The following CTNND1 variants were observed in gnomAD, a reference collection of about 807,000 sequenced individuals.
CTNND1 encodes catenin delta 1.
Under a neutral mutation model 112.1 loss-of-function variants are expected in CTNND1, and 16 were observed. The ratio of observed to expected loss-of-function variants is 0.14; its 90% CI spans 0.10 to 0.22. The LOEUF is 0.22. Among genes scored for constraint, CTNND1 ranks in the 10% least tolerant of loss-of-function variants. The probability of loss-of-function intolerance (pLI) is 1.00; values close to 1 mark genes in which losing one functional copy is unlikely to be tolerated. For synonymous variants in CTNND1, 420 were observed against 446.5 expected (o/e 0.94, Z 0.75); for missense variants, 1,008 against 1,257.0 (o/e 0.80, Z 3.00).
chr11:57,779,106 T>C (rs2059310833), intron 1 of CTNND1, among the ~76,000 whole-genome samples: 1 of 152,184 alleles, frequency 6.6e-6, no homozygotes, highest in Admixed American at 6.5e-5. Flanking sequence ...TTAAGTAATG[T>C]TCATTTGCTG....
chr11:57,774,530 C>T (rs1953656357), intron 1 of CTNND1, among the ~76,000 whole-genome samples: 1 of 152,264 alleles, frequency 6.6e-6, no homozygotes, highest in Non-Finnish European at 1.5e-5. Context: ...TTTCAAAGAG[C>T]CTCTAATCTA....
At chr11:57,783,658 CAAAATAA>C (rs2059834895) in intron 1 of CTNND1, among the ~76,000 whole-genome samples, 1 of 105,290 alleles carries the variant, frequency 9.5e-6, no homozygotes, top group Non-Finnish European at 2.0e-5. Context: ...GACTCCATCT[CAAAATAA>C]AAAAAAAGCC....
chr11:57,784,267 G>A lies in CTNND1; in HGVS notation c.-213-4770G>A, dbSNP rs577993614. Among the ~76,000 whole-genome samples, 10 of 151,380 alleles carry A rather than the reference G, an allele frequency of 6.6e-5. No individual in the cohort carries two copies. In the East Asian group the frequency reaches 2.0e-3, roughly 31 times the overall value. ...CCCTTTGCATTCCCTAGAATGGCTG[G>A]GCACAGTGGCTCATGCCAGTAATCC... On this transcript the variant is annotated intron_variant, in intron 1 of 20. Transcript: ENST00000399050.
Position 57,795,687 on chromosome 11 carries a change from G to T in CTNND1, c.378G>T (p.Val126=). The stretch of plus-strand genomic sequence containing the variant: ...AGGGAGCCATGTCTGTAGTCTCTGT[G>T]GAGACCTCAGATGATGGGACCACTC... ...DPEGAMSVVS[V]ETSDDGTTRR... The change falls in exon 5 of 21, where the codon GTG becomes GTT. Residue 126 remains valine (V), a synonymous_variant. Coordinates refer to ENST00000399050, the MANE Select transcript of CTNND1 (RefSeq NM_001085458.2). 1 of 1,608,832 alleles carries T rather than the reference G, an allele frequency of 6.2e-7. No homozygotes were observed. Among genetic ancestry groups the T allele is most frequent in the Non-Finnish European group, 8.5e-7 (1 of 1,177,766 alleles).
At chr11:57,815,627 A>C in intron 19 of CTNND1, 127 bp downstream of exon 19, 1 of 901,434 alleles carries the variant, frequency 1.1e-6, no homozygotes, top group Non-Finnish European at 1.9e-6. Context: ...TTTTCAGGAA[A>C]AAGTAAGAGT....
rs2064002997 is a variant in CTNND1, at chr11:57,816,503, C to T, written c.*195C>T. 7 of 617,656 alleles carry T rather than the reference C, an allele frequency of 1.1e-5. 1 individual carries two copies. In the Admixed American group the frequency reaches 2.0e-4, roughly 17 times the overall value. 38.3% of individuals were successfully genotyped at this position (617,656 alleles called of 1,614,324 possible). On this transcript the variant is annotated 3_prime_UTR_variant, in exon 21 of 21. Transcript: ENST00000399050. ...CCTGTGAAGTTTAATTGTCTCAACG[C>T]CTCCCCCTCCCCCATTCCCTCCATT...
chr11:57,787,029 T>G (rs2060212963), intron 1 of CTNND1, among the ~76,000 whole-genome samples: 1 of 152,200 alleles, frequency 6.6e-6, no homozygotes, highest in African/African-American at 2.4e-5. Context: ...TGCTATTAAC[T>G]GTGAGACCTT....
rs560988960 is a variant in CTNND1 at position 57,763,410 on chromosome 11, C to G, written c.-214+1291C>G. ...TCTGATTTCGTTCTCCCCTCACCCCCCTGCCACAAATTTTTTTAAGACTAG... is the reference window on the plus strand; with the variant it reads ...TCTGATTTCGTTCTCCCCTCACCCCGCTGCCACAAATTTTTTTAAGACTAG... On this transcript the variant is annotated intron_variant, in intron 1 of 20. Coordinates refer to ENST00000399050, the MANE Select transcript of CTNND1 (RefSeq NM_001085458.2). Among the ~76,000 whole-genome samples the G allele has an allele frequency of 2.6e-5, 4 of 152,252 alleles. No individual in the cohort carries two copies. The East Asian group carries it at 5.8e-4, about 22-fold the overall frequency.
At chr11:57,811,092 G>T (rs1453807186) in intron 16 of CTNND1, among the ~76,000 whole-genome samples, 2 of 152,198 alleles carry the variant, frequency 1.3e-5, no homozygotes, top group Non-Finnish European at 1.5e-5. Flanking sequence ...GATGAAGGAT[G>T]ATGGCCTTTT....
chr11:57,786,425 C>T (rs771320334), intron 1 of CTNND1, among the ~76,000 whole-genome samples: 7 of 151,714 alleles, frequency 4.6e-5, no homozygotes, highest in Admixed American at 4.6e-4. Context: ...CCCAGCTATT[C>T]GGGAGGCTGA....
Position 57,795,601 on chromosome 11 carries a change from A to C in CTNND1, c.292A>C (p.Thr98Pro). 6.2e-7 allele frequency: 1 copy of C among 1,611,740 alleles called. No individual in the cohort carries two copies. Among genetic ancestry groups the C allele is most frequent in the Non-Finnish European group, 8.5e-7 (1 of 1,179,142 alleles). ...PQDHSHLLYS[T>P]IPRMQEPGQI... ...GGATCACAGTCACCTTCTATATAGC[A>C]CCATCCCCAGGATGCAGGAGCCGGG... is the stretch of plus-strand genomic sequence containing the variant. The change falls in exon 5 of 21, where the codon ACC becomes CCC. Residue 98 changes from threonine to proline, a missense_variant. Thr to Pro is a conservative substitution (Grantham distance 38). Transcript: ENST00000399050.
chr11:57,787,629 A>G (rs2060272910), intron 1 of CTNND1, among the ~76,000 whole-genome samples: 1 of 152,188 alleles, frequency 6.6e-6, no homozygotes, highest in African/African-American at 2.4e-5. Flanking sequence ...AAGTGAGAAT[A>G]TGACAGGGTT....
At chr11:57,779,489 C>G (rs2059348545) in intron 1 of CTNND1, among the ~76,000 whole-genome samples, 1 of 152,218 alleles carries the variant, frequency 6.6e-6, no homozygotes, top group African/African-American at 2.4e-5. Context: ...TTGAGCCAAG[C>G]TGGCTGGTTC....
At chr11:57,803,220 G>A (rs1175476660) in intron 7 of CTNND1, among the ~76,000 whole-genome samples, 1 of 152,148 alleles carries the variant, frequency 6.6e-6, no homozygotes, top group Admixed American at 6.5e-5. Context: ...CCATTCTCCT[G>A]CCTCAGCCTC....
Position 57,802,356 on chromosome 11 carries a change from A to T in CTNND1, c.1420+160A>T, listed in dbSNP as rs514691. Among the ~76,000 whole-genome samples the T allele has an allele frequency of 0.99, 150,810 of 152,358 alleles. 74,672 individuals carry two copies. The highest frequency in any genetic ancestry group is 1 in the East Asian group (5,184 of 5,184). ...AGATTTGTTTGGATCACACAGCATT[A>T]TTGAAATTTTAAAGAACTGGTTGCT... On this transcript the variant is annotated intron_variant, in intron 7 of 20. Transcript: ENST00000399050.
intron 1 of CTNND1, among the ~76,000 whole-genome samples, chr11:57,780,532 G>A (rs2059465351): frequency 6.6e-6 from 1 of 152,140 alleles, no homozygotes. Context: ...TATAAAAAGA[G>A]GCCATTACCT....
At position 57,801,893 on chromosome 11, in the gene CTNND1, G is replaced by A. The variant is rs376151780; in HGVS notation, c.1117G>A (p.Ala373Thr). ...ACAGCCAGAGCTGCCAGAGGTGATCGCCATGCTTGGATTCCGCTTGGATGC... is the reference window on the plus strand; with the variant it reads ...ACAGCCAGAGCTGCCAGAGGTGATCACCATGCTTGGATTCCGCTTGGATGC... Reference protein sequence around the residue: ...WRQPELPEVIAMLGFRLDAVK... With the variant: ...WRQPELPEVITMLGFRLDAVK... Residue 373 changes from alanine (A) to threonine (T), a missense_variant, in exon 7 of 21, where the codon GCC (alanine) becomes ACC (threonine). Physicochemically the swap from Ala to Thr is moderately conservative, Grantham distance 58. Around this residue, in one of 5 missense-constraint regions of CTNND1, gnomAD observed 216 missense variants for 342.8 expected, o/e 0.63. Coordinates refer to ENST00000399050, the MANE Select transcript of CTNND1 (RefSeq NM_001085458.2). 6.8e-6 allele frequency: 11 copies of A among 1,613,870 alleles called. No homozygotes were observed. Among genetic ancestry groups the A allele is most frequent in the Admixed American group, 3.3e-5 (2 of 60,008 alleles).
intron 17 of CTNND1, 29 bp downstream of exon 17, chr11:57,811,515 C>CT: frequency 6.8e-7 from 1 of 1,461,692 alleles, no homozygotes; most frequent in Non-Finnish European, 9.6e-7. Context: ...ACACCCTCTC[C>CT]TTTTAGCCAC....
Position 57,795,654 on chromosome 11 carries a change from G to A in CTNND1, c.345G>A (p.Glu115=). Residue 115 remains glutamate (E), a synonymous_variant, in exon 5 of 21, where the codon GAG becomes GAA. Transcript: ENST00000399050. ...PGQIVETYTE[E]DPEGAMSVVS... ...AGATTGTGGAGACCTACACGGAGGA[G>A]GATCCTGAGGGAGCCATGTCTGTAG... is the stretch of plus-strand genomic sequence containing the variant. 1 of 1,609,188 alleles carries A rather than the reference G, an allele frequency of 6.2e-7. No individual in the cohort carries two copies. The highest frequency in any genetic ancestry group is 8.5e-7 in the Non-Finnish European group (1 of 1,177,800).
Sources: gnomAD v4.1 joint callset for allele counts (sites outside exome capture counted in the v4.1 genomes callset) on GRCh38, gnomAD v4.1.1 for gene constraint, gnomAD v4.1.1 regional missense constraint, MANE v1.5 for transcripts, NCBI Gene and HGNC (gene_info 2026-07-23, HGNC 2026-07-21) for gene names.